Variants in C1orf185 observed in about 807,000 individuals in gnomAD.
C1orf185 encodes the protein uncharacterized protein C1orf185.
Under a neutral mutation model 16.1 loss-of-function variants are expected in C1orf185, and 13 were observed. The ratio of observed to expected loss-of-function variants is 0.81; its 90% CI spans 0.53 to 1.28. The LOEUF is 1.28. Ranked by LOEUF, C1orf185 falls within the 50% of genes most tolerant of loss-of-function variation. The probability of loss-of-function intolerance (pLI) is 0.00; values close to 1 mark genes in which losing one functional copy is unlikely to be tolerated. For synonymous variants in C1orf185, 80 were observed against 76.9 expected, an observed-to-expected ratio of 1.04 and a Z score of -0.21; for missense variants, 220 against 225.2, an observed-to-expected ratio of 0.98 and a Z score of 0.15.
intron 3 of C1orf185, among the ~76,000 whole-genome samples, chr1:51,123,257 G>A (rs929275896): frequency 7.2e-5 from 11 of 152,104 alleles, no homozygotes; most frequent in African/African-American, 2.7e-4. Context: ...CTTCTTAAAG[G>A]CCCCACCTTC....
At chr1:51,118,985 A>G (rs1646178456) in intron 3 of C1orf185, among the ~76,000 whole-genome samples, 184 bp downstream of exon 3, 1 of 152,226 alleles carries the variant, frequency 6.6e-6, no homozygotes, top group South Asian at 2.1e-4. Flanking sequence ...ATCACCTTCT[A>G]CAGTTGTATC....
intron 3 of C1orf185, among the ~76,000 whole-genome samples, chr1:51,136,877 G>A (rs1429427789): frequency 6.6e-6 from 1 of 152,108 alleles, no homozygotes; most frequent in Non-Finnish European, 1.5e-5. Context: ...GACACCAATA[G>A]CAATTGCAAC....
At chr1:51,143,549 T>C (rs545333748) in intron 3 of C1orf185, among the ~76,000 whole-genome samples, 1 of 152,354 alleles carries the variant, frequency 6.6e-6, no homozygotes, top group South Asian at 2.1e-4. Context: ...AATTATTCCA[T>C]AATTACTGAT....
At chr1:51,128,237 G>C (rs966596816) in intron 3 of C1orf185, among the ~76,000 whole-genome samples, 1 of 152,108 alleles carries the variant, frequency 6.6e-6, no homozygotes, top group Non-Finnish European at 1.5e-5. Flanking sequence ...AATTGTCAAG[G>C]CTTGGGGAGA....
At chr1:51,133,582 C>G (rs193051115) in intron 3 of C1orf185, among the ~76,000 whole-genome samples, 4 of 152,312 alleles carry the variant, frequency 2.6e-5, no homozygotes, top group Non-Finnish European at 5.9e-5. Context: ...TTCAAAGAGA[C>G]TTAGACTCCT....
intron 3 of C1orf185, among the ~76,000 whole-genome samples, chr1:51,128,254 T>A (rs756150108): frequency 1.3e-5 from 2 of 152,162 alleles, no homozygotes; most frequent in Non-Finnish European, 2.9e-5. Flanking sequence ...GAGACATACA[T>A]GTAAATTTAT....
Position 51,126,560 on chromosome 1 carries a change from G to A in C1orf185, c.258+7759G>A, listed in dbSNP as rs149947532. On this transcript the variant is annotated intron_variant, in intron 3 of 4. Coordinates refer to ENST00000371759, the MANE Select transcript of C1orf185 (RefSeq NM_001136508.2). ...AGGTATGAGCCACTGCACCCAACTC[G>A]TATTACTGAAAAATGTATATGTTTG... Among the ~76,000 whole-genome samples, 44 of 152,144 alleles carry A rather than the reference G, an allele frequency of 2.9e-4. 3 individuals are homozygous for A. The highest frequency in any genetic ancestry group is 9.6e-4 in the African/African-American group (40 of 41,498).
chr1:51,119,348 A>C (rs1419746462), intron 3 of C1orf185, among the ~76,000 whole-genome samples: 1 of 152,226 alleles, frequency 6.6e-6, no homozygotes, highest in Non-Finnish European at 1.5e-5. Flanking sequence ...TGAACAAAGG[A>C]AAAAAAGGCA....
At chr1:51,146,625 A>G in intron 4 of C1orf185, among the ~76,000 whole-genome samples, 1 of 152,152 alleles carries the variant, frequency 6.6e-6, no homozygotes, top group Non-Finnish European at 1.5e-5. Flanking sequence ...CCTAAATACT[A>G]TAATGGGAAA....
intron 3 of C1orf185, among the ~76,000 whole-genome samples, chr1:51,141,241 G>A (rs1276473610): frequency 1.3e-5 from 2 of 152,166 alleles, no homozygotes; most frequent in Admixed American, 1.3e-4. Flanking sequence ...TATAACCCTC[G>A]TACTTTGGGA....
intron 3 of C1orf185, among the ~76,000 whole-genome samples, chr1:51,140,640 A>G (rs1646358321): frequency 1.3e-5 from 2 of 152,142 alleles, no homozygotes; most frequent in South Asian, 4.1e-4. Context: ...TTAGCTATGA[A>G]TGCAAATTCT....
intron 3 of C1orf185, among the ~76,000 whole-genome samples, chr1:51,123,813 G>T (rs1023846304): frequency 6.6e-6 from 1 of 152,044 alleles, no homozygotes; most frequent in African/African-American, 2.4e-5. Context: ...TCGATGAGGT[G>T]TCTGTTCGAT....
At chr1:51,103,709 GT>G (rs1646049993) in intron 1 of C1orf185, among the ~76,000 whole-genome samples, 1 of 151,868 alleles carries the variant, frequency 6.6e-6, no homozygotes, top group Admixed American at 6.6e-5. Flanking sequence ...AATCTTGTGT[GT>G]TTTTAGTAGA....
intron 1 of C1orf185, among the ~76,000 whole-genome samples, chr1:51,103,863 T>C (rs951240057): frequency 6.6e-6 from 1 of 152,216 alleles, no homozygotes; most frequent in African/African-American, 2.4e-5. Flanking sequence ...TATAATATTA[T>C]CTTATTTATT....
At position 51,147,653 on chromosome 1, in the gene C1orf185, T is replaced by C; in HGVS notation, c.482T>C (p.Val161Ala). 1.9e-6 allele frequency: 3 copies of C among 1,551,524 alleles called. No individual in the cohort carries two copies. Among genetic ancestry groups the C allele is most frequent in the Non-Finnish European group, 2.6e-6 (3 of 1,146,902 alleles). Residue 161 changes from valine to alanine, a missense_variant, in exon 5 of 5, where the codon GTG (valine) becomes GCG (alanine). Val to Ala is a moderately conservative substitution (Grantham distance 64). Coordinates refer to ENST00000371759, the MANE Select transcript of C1orf185 (RefSeq NM_001136508.2). Reference sequence around the variant, plus strand: ...GACTGGTTTTCTGATGATTCTCTAGTGAAAAGGAACTCTCCAATGCCTTCT... The same window carrying C: ...GACTGGTTTTCTGATGATTCTCTAGCGAAAAGGAACTCTCCAATGCCTTCT... ...ADDWFSDDSL[V>A]KRNSPMPSLG...
At chr1:51,126,010 A>G (rs1028671264) in intron 3 of C1orf185, among the ~76,000 whole-genome samples, 10 of 152,080 alleles carry the variant, frequency 6.6e-5, no homozygotes, top group African/African-American at 9.7e-5. Context: ...AAAAACAAAA[A>G]CAGGGAACCC....
At chr1:51,123,790 C>CT (rs1298081805) in intron 3 of C1orf185, among the ~76,000 whole-genome samples, 2 of 152,088 alleles carry the variant, frequency 1.3e-5, no homozygotes, top group African/African-American at 4.8e-5. Flanking sequence ...TGCTTATTTG[C>CT]TATCTATCTT....
intron 3 of C1orf185, among the ~76,000 whole-genome samples, chr1:51,121,936 T>C (rs1646200494): frequency 6.6e-6 from 1 of 152,302 alleles, no homozygotes; most frequent in East Asian, 1.9e-4. Flanking sequence ...ACCACTATCC[T>C]GTAATTACAG....
chr1:51,133,291 A>C (rs979060443), intron 3 of C1orf185, among the ~76,000 whole-genome samples: 1 of 152,174 alleles, frequency 6.6e-6, no homozygotes, highest in Non-Finnish European at 1.5e-5. Flanking sequence ...AGACCCATTG[A>C]TATGCTGTCT....
Sources: allele counts gnomAD v4.1 joint callset (sites outside exome capture counted in the v4.1 genomes callset), GRCh38; gene constraint gnomAD v4.1.1; transcripts MANE v1.5; gene names NCBI Gene and HGNC (gene_info 2026-07-23, HGNC 2026-07-21).